Variants in PTPRN2 observed in about 807,000 individuals in gnomAD.
PTPRN2 encodes protein tyrosine phosphatase receptor type N2.
A neutral mutation model predicts 118.8 loss-of-function variants in PTPRN2; 74 were observed. The observed-to-expected ratio is 0.62, with a 90% CI of 0.52 to 0.76. PTPRN2 has a LOEUF of 0.76. Ranked by LOEUF, PTPRN2 falls within the 30% of genes least tolerant of loss-of-function variation. PTPRN2 has a pLI of 0.00. For missense variants in PTPRN2, 1,481 were observed against 1,394.4 expected, an observed-to-expected ratio of 1.06 and a Z score of -0.99; for synonymous variants, 641 against 608.0, an observed-to-expected ratio of 1.05 and a Z score of -0.80.
intron 11 of PTPRN2, among the ~76,000 whole-genome samples, chr7:158,039,750 G>GA (rs1024230399): frequency 2.2e-4 from 34 of 152,092 alleles, no homozygotes; most frequent in Non-Finnish European, 4.3e-4. Flanking sequence ...TGCTAAAAGG[G>GA]AAAAAAATCA....
intron 9 of PTPRN2, among the ~76,000 whole-genome samples, chr7:158,129,344 A>C (rs1192233463): frequency 2.6e-5 from 4 of 151,074 alleles, no homozygotes; most frequent in African/African-American, 7.3e-5. Context: ...CGCACTACAC[A>C]TAACACACAC....
intron 1 of PTPRN2, among the ~76,000 whole-genome samples, chr7:158,501,189 G>A (rs1056845964): frequency 6.6e-6 from 1 of 152,214 alleles, no homozygotes; most frequent in Non-Finnish European, 1.5e-5. Flanking sequence ...ACCCACTTGC[G>A]GAGCCGCAGA....
rs1798003710 is a variant in PTPRN2, at chr7:158,268,127, C to T, written c.277+48692G>A. Among the ~76,000 whole-genome samples, 4 of 152,352 alleles carry T rather than the reference C, an allele frequency of 2.6e-5. No individual in the cohort carries two copies. In the South Asian group the frequency reaches 6.2e-4, roughly 24 times the overall value. The stretch of plus-strand genomic sequence containing the variant: ...GTCTGTGTCTCACCTGCAATCACAG[C>T]TCATTGAGCCGCCAGCTAATTAGAG... On this transcript the variant is annotated intron_variant, in intron 3 of 22. Coordinates refer to ENST00000389418, the MANE Select transcript of PTPRN2 (RefSeq NM_002847.5).
chr7:157,646,941 T>C (rs1563298107), intron 14 of PTPRN2, among the ~76,000 whole-genome samples: 1 of 147,210 alleles, frequency 6.8e-6, no homozygotes, highest in Admixed American at 6.7e-5. Flanking sequence ...GTCAGACCCA[T>C]CCAGGGTGCA....
intron 2 of PTPRN2, among the ~76,000 whole-genome samples, chr7:158,340,337 T>A (rs1242307760): frequency 4.1e-5 from 4 of 97,380 alleles, no homozygotes; most frequent in Admixed American, 2.1e-4. Context: ...ACACCCACAC[T>A]GTCACCATAA....
Position 157,642,814 on chromosome 7 carries a change from C to CAAAAAAAAAAAAAAAAAAAAAAAA in PTPRN2, c.2196+13519_2196+13542dup, listed in dbSNP as rs11335302. 1.7e-3 allele frequency among the ~76,000 whole-genome samples: 41 copies of CAAAAAAAAAAAAAAAAAAAAAAAA among 24,220 alleles called. 11 individuals are homozygous for CAAAAAAAAAAAAAAAAAAAAAAAA. Among genetic ancestry groups the CAAAAAAAAAAAAAAAAAAAAAAAA allele is most frequent in the South Asian group, 0.01 (2 of 200 alleles). 15.9% of individuals were successfully genotyped at this position (24,220 alleles called of 152,430 possible). Reference sequence around the variant, plus strand: ...AAGGGTCTACCAAGTCAAGAAACAGCAAAAAAAAAAAAAAAAAAAAAAAAA... The same window carrying CAAAAAAAAAAAAAAAAAAAAAAAA: ...AAGGGTCTACCAAGTCAAGAAACAGCAAAAAAAAAAAAAAAAAAAAAAAAAAAAAAAAAAAAAAAAAAAAAAAAA... On this transcript the variant is annotated intron_variant, in intron 14 of 22. Coordinates refer to ENST00000389418, the MANE Select transcript of PTPRN2 (RefSeq NM_002847.5).
intron 2 of PTPRN2, among the ~76,000 whole-genome samples, chr7:158,331,345 A>C (rs1563151733): frequency 1.4e-5 from 2 of 145,868 alleles, no homozygotes; most frequent in African/African-American, 2.6e-5. Context: ...ACTCACACCC[A>C]TACTCTCACC....
intron 3 of PTPRN2, among the ~76,000 whole-genome samples, chr7:158,259,118 CTT>C (rs1358575683): frequency 2.6e-5 from 4 of 152,184 alleles, no homozygotes; most frequent in East Asian, 1.9e-4. Context: ...GCAAACGTCT[CTT>C]GAGTGAGAGC....
intron 12 of PTPRN2, among the ~76,000 whole-genome samples, chr7:157,895,380 C>T (rs750934545): frequency 2.6e-4 from 38 of 147,960 alleles, no homozygotes; most frequent in Non-Finnish European, 4.3e-4. Flanking sequence ...AGGGTCTGAA[C>T]GAGACCATAA....
chr7:158,304,556 C>T (rs1801140325), intron 3 of PTPRN2, among the ~76,000 whole-genome samples: 1 of 152,050 alleles, frequency 6.6e-6, no homozygotes, highest in Non-Finnish European at 1.5e-5. Context: ...TTTCTACATG[C>T]TAGAGAGGCA....
intron 13 of PTPRN2, among the ~76,000 whole-genome samples, chr7:157,663,217 G>A (rs1033576690): frequency 4.6e-5 from 7 of 152,072 alleles, no homozygotes; most frequent in South Asian, 2.1e-4. Flanking sequence ...GGCGAACAGC[G>A]CACCAGGCCC....
At chr7:157,614,025 C>CG (rs777888758) in intron 15 of PTPRN2, 1 of 471,298 alleles carries the variant, frequency 2.1e-6, no homozygotes, top group Non-Finnish European at 4.4e-6. Flanking sequence ...CCACAAGCAA[C>CG]GGGATGCCTT....
At chr7:158,150,933 G>A (rs1396214074) in intron 6 of PTPRN2, among the ~76,000 whole-genome samples, 1 of 151,914 alleles carries the variant, frequency 6.6e-6, no homozygotes, top group South Asian at 2.1e-4. Flanking sequence ...ACACCGAGAA[G>A]CTGGGAAATA....
chr7:157,965,447 G>T (rs888829701), intron 11 of PTPRN2, among the ~76,000 whole-genome samples: 3 of 152,018 alleles, frequency 2.0e-5, no homozygotes, highest in Admixed American at 6.6e-5. Context: ...ACACCATTTG[G>T]CATTCCCAGC....
intron 11 of PTPRN2, among the ~76,000 whole-genome samples, chr7:158,005,123 G>A (rs1344167485): frequency 6.6e-6 from 1 of 150,390 alleles, no homozygotes; most frequent in African/African-American, 2.4e-5. Flanking sequence ...TGCCCAGGCT[G>A]GAGTGCAATG....
intron 1 of PTPRN2, among the ~76,000 whole-genome samples, chr7:158,490,813 C>T (rs1821394080): frequency 6.6e-6 from 1 of 152,238 alleles, no homozygotes; most frequent in African/African-American, 2.4e-5. Context: ...GCTGCCCAGG[C>T]GTCCTTTTCG....
Position 158,380,047 on chromosome 7 carries a change from C to T in PTPRN2, c.164-63115G>A, listed in dbSNP as rs140394287. Among the ~76,000 whole-genome samples, 1,236 of 152,242 alleles carry T rather than the reference C, an allele frequency of 8.1e-3. 19 individuals carry two copies. Among genetic ancestry groups the T allele is most frequent in the African/African-American group, 0.028 (1,172 of 41,542 alleles). On this transcript the variant is annotated intron_variant, in intron 2 of 22. Coordinates refer to ENST00000389418, the MANE Select transcript of PTPRN2 (RefSeq NM_002847.5). ...CCCCTATGATTCGATTACCTTCCAA[C>T]GGGTCCCTCCCACAACATATGGGAA...
At chr7:158,553,765 C>T (rs1826810273) in intron 1 of PTPRN2, among the ~76,000 whole-genome samples, 1 of 152,148 alleles carries the variant, frequency 6.6e-6, no homozygotes, top group South Asian at 2.1e-4. Context: ...TATACACAGG[C>T]TTGGGAGTCT....
intron 3 of PTPRN2, among the ~76,000 whole-genome samples, chr7:158,262,679 CAT>C (rs1196841100): frequency 1.4e-5 from 2 of 147,520 alleles, no homozygotes; most frequent in Admixed American, 1.4e-4. Flanking sequence ...CACATTCACA[CAT>C]ACACACATTC....
Sources: gnomAD v4.1 joint callset for allele counts (sites outside exome capture counted in the v4.1 genomes callset) on GRCh38, gnomAD v4.1.1 for gene constraint, MANE v1.5 for transcripts, NCBI Gene and HGNC (gene_info 2026-07-23, HGNC 2026-07-21) for gene names.